SLC12A7: variants seen among roughly 807,000 people sequenced by gnomAD.
SLC12A7 encodes the protein K-Cl cotransporter 4.
SLC12A7 carries 100 observed loss-of-function variants against 120.6 expected under a neutral mutation model. That is an observed-to-expected ratio of 0.83 (90% CI 0.71 to 0.98). The LOEUF (loss-of-function observed/expected upper bound fraction) is 0.98. Ranked by LOEUF, SLC12A7 falls within the 50% of genes least tolerant of loss-of-function variation. SLC12A7 has a pLI of 0.00. For synonymous variants in SLC12A7, 760 were observed against 678.0 expected (o/e 1.12, Z -1.88); for missense variants, 1,373 against 1,548.1 (o/e 0.89, Z 1.90).
intron 17 of SLC12A7, among the ~76,000 whole-genome samples, chr5:1,073,335 T>C (rs1737911451): frequency 6.6e-6 from 1 of 152,080 alleles, no homozygotes; most frequent in African/African-American, 2.4e-5. Flanking sequence ...GAGACTGAGC[T>C]TGCAGCAGAA....
chr5:1,146,540 G>A, the SLC12A7 span, among the ~76,000 whole-genome samples: 4 of 152,188 alleles, frequency 2.6e-5, no homozygotes, highest in Admixed American at 6.5e-5. This position sits in a 1 kb window ranked among gnomAD's most constrained non-coding sequence, Gnocchi z 6.5. Flanking sequence ...ACACCCCAAC[G>A]TTAACCAGAA....
intron 17 of SLC12A7, among the ~76,000 whole-genome samples, chr5:1,065,947 C>T (rs1306953325): frequency 6.6e-6 from 1 of 151,948 alleles, no homozygotes; most frequent in Non-Finnish European, 1.5e-5. Context: ...GGGGGACTGC[C>T]GTGTGGTCTC....
Position 1,073,626 on chromosome 5 carries a change from G to A in SLC12A7, c.2241+7C>T, listed in dbSNP as rs574758517. ...GAGGCCTGGCCCCCAGACCCCGCCC[G>A]GCCCACCTCCTCGGCCCGCTGAGCC... On this transcript the variant is annotated splice_region_variant and intron_variant, in intron 17 of 23. Transcript: ENST00000264930. 157 of 1,598,040 alleles carry A rather than the reference G, an allele frequency of 9.8e-5. 2 individuals carry two copies. The highest frequency in any genetic ancestry group is 4.8e-4 in the East Asian group (21 of 43,320).
chr5:1,141,728 G>A, the SLC12A7 span, among the ~76,000 whole-genome samples: 9 of 152,338 alleles, frequency 5.9e-5, no homozygotes, highest in South Asian at 4.1e-4. Context: ...ACATGTGGCC[G>A]GTGGCTGCTG....
intron 9 of SLC12A7, 130 bp from the exon 10 acceptor site, chr5:1,079,626 G>GC: frequency 2.7e-6 from 2 of 740,450 alleles, no homozygotes; most frequent in African/African-American, 1.7e-5. Flanking sequence ...CGAGGCTGCA[G>GC]TCCAAGCTCC....
chr5:1,138,631 C>G, the SLC12A7 span, among the ~76,000 whole-genome samples: 2 of 152,180 alleles, frequency 1.3e-5, no homozygotes, highest in African/African-American at 4.8e-5. Context: ...AGATCTTTAC[C>G]CCACATGCAA....
Position 1,103,325 on chromosome 5 carries a change from G to A in SLC12A7, c.124+8543C>T, listed in dbSNP as rs543495335. The stretch of plus-strand genomic sequence containing the variant: ...CCTGTAAACCAGGAGAGCGCCGGGA[G>A]ATCCCAGCTCACCGTCAGAGGCACT... On this transcript the variant is annotated intron_variant, in intron 1 of 23. Coordinates refer to ENST00000264930, the MANE Select transcript of SLC12A7 (RefSeq NM_006598.3). 2.6e-3 allele frequency among the ~76,000 whole-genome samples: 401 copies of A among 152,326 alleles called. 1 individual carries two copies. Among genetic ancestry groups the A allele is most frequent in the Non-Finnish European group, 4.2e-3 (289 of 68,036 alleles).
chr5:1,154,354 AACACAC>A, the SLC12A7 span, among the ~76,000 whole-genome samples: 1,894 of 141,794 alleles, frequency 0.013, 28 homozygotes, highest in Non-Finnish European at 0.018. Context: ...TGGTGTCCGC[AACACAC>A]ACACACACAC....
chr5:1,137,530 C>T, the SLC12A7 span, among the ~76,000 whole-genome samples: 5 of 152,302 alleles, frequency 3.3e-5, no homozygotes, highest in East Asian at 3.9e-4. Context: ...TCCACACCTT[C>T]CCCCTCCTCC....
chr5:1,108,019 A>AACGCACACATACAC (rs1554024170), intron 1 of SLC12A7, among the ~76,000 whole-genome samples: 1 of 41,394 alleles, frequency 2.4e-5, no homozygotes, highest in Non-Finnish European at 4.9e-5. Context: ...ACAGCATACA[A>AACGCACACATACAC]ACACACACAT....
chr5:1,077,510 A>G (rs1738495659), intron 12 of SLC12A7, among the ~76,000 whole-genome samples: 1 of 152,194 alleles, frequency 6.6e-6, no homozygotes, highest in South Asian at 2.1e-4. Context: ...ACAGAGAAAG[A>G]TGTGGCAGGC....
the SLC12A7 span, among the ~76,000 whole-genome samples, chr5:1,138,078 C>G: frequency 3.3e-5 from 5 of 152,174 alleles, no homozygotes; most frequent in Middle Eastern, 3.2e-3. Flanking sequence ...CCAGTGGGTT[C>G]TTGGTTTATG....
At chr5:1,134,985 G>A in the SLC12A7 span, among the ~76,000 whole-genome samples, 1 of 151,684 alleles carries the variant, frequency 6.6e-6, no homozygotes, top group Non-Finnish European at 1.5e-5. Flanking sequence ...AAATTACCTG[G>A]GTATGGTGGC....
chr5:1,078,800 GTCCTCAGGTAC>G, intron 10 of SLC12A7, 42 bp from the exon 11 acceptor site: 1 of 1,002,766 alleles, frequency 1.0e-6, no homozygotes. Context: ...TGGGTGCAGG[GTCCTCAGGTAC>G]GGGGGGTGGG....
At chr5:1,096,848 AGGAGGGAGGGAGGGATGAAG>A (rs1741288671) in intron 1 of SLC12A7, among the ~76,000 whole-genome samples, 1 of 65,542 alleles carries the variant, frequency 1.5e-5, no homozygotes, top group African/African-American at 6.1e-5. Flanking sequence ...GAGGGAGGGA[AGGAGGGAGGGAGGGATGAAG>A]GGAGGGAGGG....
chr5:1,080,083 G>T (rs951080315), intron 9 of SLC12A7, among the ~76,000 whole-genome samples: 2 of 152,156 alleles, frequency 1.3e-5, no homozygotes, highest in Non-Finnish European at 2.9e-5. Flanking sequence ...ATTGCTCGGG[G>T]TGGCCTGGGA....
chr5:1,084,147 G>A (rs1180461810), intron 7 of SLC12A7, among the ~76,000 whole-genome samples, 191 bp from the exon 8 acceptor site: 1 of 149,530 alleles, frequency 6.7e-6, no homozygotes, highest in East Asian at 1.9e-4. Flanking sequence ...GGAATGCAAG[G>A]GCCAGGGATC....
the SLC12A7 span, among the ~76,000 whole-genome samples, chr5:1,118,591 C>T: frequency 2.6e-5 from 4 of 152,228 alleles, no homozygotes; most frequent in African/African-American, 9.6e-5. Context: ...CGTGAAAGGT[C>T]TTGGGAAGTT....
the SLC12A7 span, among the ~76,000 whole-genome samples, chr5:1,122,362 G>A: frequency 3.9e-5 from 6 of 152,166 alleles, no homozygotes; most frequent in South Asian, 6.2e-4. Flanking sequence ...CACAGCCCCC[G>A]CCACTGCGCT....
Sources: allele counts gnomAD v4.1 joint callset (sites outside exome capture counted in the v4.1 genomes callset), GRCh38; gene constraint gnomAD v4.1.1; non-coding constraint Gnocchi (gnomAD v3.1); transcripts MANE v1.5; gene names NCBI Gene and HGNC (gene_info 2026-07-23, HGNC 2026-07-21).